GALNS: variants seen among roughly 807,000 people sequenced by gnomAD.
GALNS encodes N-acetylgalactosamine-6-sulfatase.
GALNS carries 65 observed loss-of-function variants against 65.9 expected under a neutral mutation model. The ratio of observed to expected loss-of-function variants is 0.99; its 90% CI spans 0.81 to 1.21. The LOEUF (loss-of-function observed/expected upper bound fraction) is 1.21. GALNS is among the 50% of genes most tolerant of loss of function. GALNS has a pLI of 0.00. For missense variants in GALNS, 776 were observed against 700.7 expected, an observed-to-expected ratio of 1.11 and a Z score of -1.21; for synonymous variants, 346 against 288.9, an observed-to-expected ratio of 1.20 and a Z score of -2.00.
rs398123429 is a variant in GALNS at position 88,824,838 on chromosome 16, T to C, written c.1171A>G (p.Met391Val). The C allele has an allele frequency of 1.3e-5, 21 of 1,613,224 alleles. No individual in the cohort carries two copies. Among genetic ancestry groups the C allele is most frequent in the Non-Finnish European group, 1.7e-5 (20 of 1,179,992 alleles). The change falls in exon 11 of 14, where the codon ATG becomes GTG. Residue 391 changes from methionine (M) to valine (V), a missense_variant. Coordinates refer to ENST00000268695, the MANE Select transcript of GALNS (RefSeq NM_000512.5). ...PIFYYRGDTLMAATLGQHKAH... is the reference protein window; with the variant it reads ...PIFYYRGDTLVAATLGQHKAH... Reference sequence around the variant, plus strand: ...TTGTGCTGCCCGAGGGTGGCCGCCATCAGCGTGTCGCCACGGTAATAGAAG... The same window carrying C: ...TTGTGCTGCCCGAGGGTGGCCGCCACCAGCGTGTCGCCACGGTAATAGAAG...
At chr16:88,827,886 C>G (rs138897456) in intron 9 of GALNS, among the ~76,000 whole-genome samples, 1 of 152,230 alleles carries the variant, frequency 6.6e-6, no homozygotes, top group Non-Finnish European at 1.5e-5. Flanking sequence ...CCCTGGAGCT[C>G]CCACCCAGTG....
chr16:88,833,629 T>C (rs1911755231), intron 8 of GALNS, among the ~76,000 whole-genome samples: 1 of 152,048 alleles, frequency 6.6e-6, no homozygotes, highest in Admixed American at 6.6e-5. Context: ...TTTTTTGTTT[T>C]TCAGTAGAGA....
intron 10 of GALNS, 110 bp from the exon 11 acceptor site, chr16:88,824,979 T>G: frequency 8.5e-6 from 7 of 825,896 alleles, no homozygotes; most frequent in Non-Finnish European, 1.4e-5. Context: ...ACGTGAGGTC[T>G]TGGTTGATAC....
In GALNS at chr16:88,837,190, C is replaced by G. The variant is rs372358627; in HGVS notation, c.566+432G>C. Among the ~76,000 whole-genome samples, 16 of 152,326 alleles carry G rather than the reference C, an allele frequency of 1.1e-4. No individual in the cohort carries two copies. The South Asian group carries it at 2.9e-3, about 28-fold the overall frequency. ...CCCCCACGCCCGGGCACCAGGACGGCTCTGTCTGGACAGCGGCTTTTGCTC... is the reference window on the plus strand; with the variant it reads ...CCCCCACGCCCGGGCACCAGGACGGGTCTGTCTGGACAGCGGCTTTTGCTC... On this transcript the variant is annotated intron_variant, in intron 5 of 13. Transcript: ENST00000268695.
intron 1 of GALNS, among the ~76,000 whole-genome samples, chr16:88,847,983 T>C (rs2143008004): frequency 6.6e-6 from 1 of 152,198 alleles, no homozygotes; most frequent in South Asian, 2.1e-4. Flanking sequence ...CCACACGTGG[T>C]CCCTCCACAC....
intron 8 of GALNS, among the ~76,000 whole-genome samples, chr16:88,834,465 C>G (rs1179129936): frequency 4.3e-5 from 4 of 94,036 alleles, no homozygotes; most frequent in South Asian, 4.4e-4. Flanking sequence ...TAGGGCCCCC[C>G]CCGTGTGGTC....
chr16:88,848,820 G>T (rs1877130420), intron 1 of GALNS, among the ~76,000 whole-genome samples: 1 of 152,228 alleles, frequency 6.6e-6, no homozygotes, highest in Non-Finnish European at 1.5e-5. Context: ...GGGCCCCGGG[G>T]ACCGCGGGAG....
At chr16:88,841,193 C>G in intron 3 of GALNS, 99 bp from the exon 4 acceptor site, 2 of 904,692 alleles carry the variant, frequency 2.2e-6, no homozygotes, top group African/African-American at 3.3e-5. Flanking sequence ...CACATCCTAA[C>G]AGGACACTGG....
intron 4 of GALNS, 58 bp from the exon 5 acceptor site, chr16:88,837,823 T>G: frequency 2.5e-6 from 4 of 1,588,404 alleles, no homozygotes; most frequent in Non-Finnish European, 3.5e-6. Context: ...TCGGAAGTTC[T>G]GAGCAGCAAC....
chr16:88,817,113 G>A (rs1909711299), intron 13 of GALNS: 1 of 985,354 alleles, frequency 1.0e-6, no homozygotes, highest in African/African-American at 1.7e-5. Context: ...AGCTGTGCTG[G>A]GAAACAGGCC....
intron 1 of GALNS, among the ~76,000 whole-genome samples, chr16:88,847,616 C>A (rs1462420272): frequency 6.6e-6 from 1 of 152,220 alleles, no homozygotes; most frequent in Admixed American, 6.5e-5. Context: ...GCTCCAAGAG[C>A]CGGAGAGAGG....
chr16:88,821,483 A>C (rs1910212515), intron 12 of GALNS, among the ~76,000 whole-genome samples: 1 of 152,182 alleles, frequency 6.6e-6, no homozygotes, highest in African/African-American at 2.4e-5. Context: ...TCCAGGCTCC[A>C]TGCTGCCTTC....
chr16:88,821,250 C>T (rs1240428055), intron 12 of GALNS, among the ~76,000 whole-genome samples: 1 of 152,196 alleles, frequency 6.6e-6, no homozygotes, highest in Non-Finnish European at 1.5e-5. Context: ...CTGCCTCTTC[C>T]AGCTCCAGTG....
chr16:88,855,999 C>T (rs1967833822), intron 1 of GALNS: 3 of 598,122 alleles, frequency 5.0e-6, no homozygotes, highest in South Asian at 2.0e-5. Flanking sequence ...GACCCCCAAG[C>T]TTGGAGACAG....
chr16:88,814,518 G>C lies in GALNS; in HGVS notation c.1490C>G (p.Ala497Gly). ...CCCTAACTTTTCACAGCCCGGAGGT[G>C]CCCAGTTCTGGGAAATGAAAATTGA... Reference protein sequence around the residue: ...NVCNWAVMNWAPPGCEKLGKC... With the variant: ...NVCNWAVMNWGPPGCEKLGKC... The change falls in exon 14 of 14, where the codon GCA becomes GGA. Residue 497 changes from alanine to glycine, a missense_variant. Coordinates refer to ENST00000268695, the MANE Select transcript of GALNS (RefSeq NM_000512.5). 2 of 1,556,172 alleles carry C rather than the reference G, an allele frequency of 1.3e-6. No individual in the cohort carries two copies. The highest frequency in any genetic ancestry group is 1.7e-6 in the Non-Finnish European group (2 of 1,149,378).
chr16:88,816,331 G>A (rs1413516208), intron 13 of GALNS: 3 of 985,326 alleles, frequency 3.0e-6, no homozygotes, highest in East Asian at 1.1e-4. Context: ...GATTGGGTGT[G>A]GAAGGCAGAA....
rs997705798 is a variant in GALNS, at chr16:88,814,219, A to G, written c.*220T>C. 1.9e-5 allele frequency: 12 copies of G among 632,472 alleles called. No individual in the cohort carries two copies. Among genetic ancestry groups the G allele is most frequent in the Admixed American group, 1.3e-4 (5 of 38,236 alleles). 39.2% of individuals were successfully genotyped at this position (632,472 alleles called of 1,614,324 possible). A position where few individuals can be genotyped will look rare whatever the true frequency, so the allele number is the denominator to read the frequency against. ...GTCTGAGGCGCCGTGGGCGAGGAGGAGGGTCCTGAAATCTGAGGCGCCGTG... is the reference window on the plus strand; with the variant it reads ...GTCTGAGGCGCCGTGGGCGAGGAGGGGGGTCCTGAAATCTGAGGCGCCGTG... On this transcript the variant is annotated 3_prime_UTR_variant, in exon 14 of 14. Coordinates refer to ENST00000268695, the MANE Select transcript of GALNS (RefSeq NM_000512.5).
intron 12 of GALNS, among the ~76,000 whole-genome samples, chr16:88,821,325 A>G (rs1910196787): frequency 6.6e-6 from 1 of 151,988 alleles, no homozygotes; most frequent in Non-Finnish European, 1.5e-5. Flanking sequence ...GGCCTTCACC[A>G]TGTCTGTGTC....
chr16:88,855,587 G>A, intron 1 of GALNS: 1 of 660,392 alleles, frequency 1.5e-6, no homozygotes, highest in Non-Finnish European at 2.7e-6. Flanking sequence ...TGTCACCCCT[G>A]GGTGGGGAAA....
Sources: allele counts gnomAD v4.1 joint callset (sites outside exome capture counted in the v4.1 genomes callset), GRCh38; gene constraint gnomAD v4.1.1; transcripts MANE v1.5; gene names NCBI Gene and HGNC (gene_info 2026-07-23, HGNC 2026-07-21).